TAFA2: variants seen among roughly 807,000 people sequenced by gnomAD.
TAFA2 encodes chemokine-like protein TAFA-2.
In TAFA2, 7 loss-of-function variants were observed where a neutral mutation model predicts 18.8. The observed-to-expected ratio is 0.37, with a 90% CI of 0.21 to 0.70. The LOEUF is 0.70. TAFA2 is among the 30% of genes least tolerant of loss of function. The pLI is 0.53. For synonymous variants in TAFA2, 60 were observed against 54.2 expected, an observed-to-expected ratio of 1.11 and a Z score of -0.47; for missense variants, 122 against 158.1, an observed-to-expected ratio of 0.77 and a Z score of 1.23.
chr12:62,121,716 C>A (rs1431770784), intron 1 of TAFA2, among the ~76,000 whole-genome samples: 1 of 152,016 alleles, frequency 6.6e-6, no homozygotes, highest in Non-Finnish European at 1.5e-5. Flanking sequence ...AATCACTGAC[C>A]CATTCATTTG....
intron 1 of TAFA2, among the ~76,000 whole-genome samples, chr12:62,223,000 A>T (rs895285844): frequency 1.3e-5 from 2 of 152,194 alleles, no homozygotes; most frequent in African/African-American, 4.8e-5. Flanking sequence ...TTAAAATGAT[A>T]TTAAAGGACA....
At chr12:61,735,101 TAGA>T (rs546933772) in intron 4 of TAFA2, among the ~76,000 whole-genome samples, 217 of 152,146 alleles carry the variant, frequency 1.4e-3, no homozygotes, top group African/African-American at 4.9e-3. Flanking sequence ...CTTGTGAAAA[TAGA>T]AGTAGTAGGC....
chr12:62,027,345 G>A (rs1881336544), intron 1 of TAFA2, among the ~76,000 whole-genome samples: 1 of 152,016 alleles, frequency 6.6e-6, no homozygotes, highest in Admixed American at 6.6e-5. Flanking sequence ...TTAATAAACT[G>A]GAGTATTGAT....
chr12:61,830,787 T>C (rs1441000218), intron 2 of TAFA2, among the ~76,000 whole-genome samples: 1 of 152,060 alleles, frequency 6.6e-6, no homozygotes, highest in African/African-American at 2.4e-5. Context: ...AAAAATCTTA[T>C]CAAATTTTAG....
chr12:61,880,358 A>G (rs7311950), intron 1 of TAFA2: 356,581 of 508,186 alleles, frequency 0.7, 126,462 homozygotes, highest in African/African-American at 0.81. Context: ...GGAGCTGGCC[A>G]TTAAGGATGC....
chr12:62,170,499 T>C (rs2062470342), intron 1 of TAFA2, among the ~76,000 whole-genome samples: 2 of 152,224 alleles, frequency 1.3e-5, no homozygotes, highest in Non-Finnish European at 2.9e-5. Flanking sequence ...TTGATGCTTT[T>C]CCATTTTCAT....
At chr12:62,129,978 T>C (rs1011912093) in intron 1 of TAFA2, among the ~76,000 whole-genome samples, 6 of 152,050 alleles carry the variant, frequency 3.9e-5, no homozygotes, top group African/African-American at 1.4e-4. Flanking sequence ...TATGTTTTAG[T>C]AGCACTCCAT....
intron 1 of TAFA2, among the ~76,000 whole-genome samples, chr12:62,044,424 G>T (rs531448921): frequency 6.6e-6 from 1 of 152,212 alleles, no homozygotes; most frequent in East Asian, 1.9e-4. Context: ...CTATCAAAAG[G>T]GAGCAAAGGG....
In TAFA2 at chr12:61,920,643, C is replaced by T. The variant is rs11614308; in HGVS notation, c.-1-53217G>A. Among the ~76,000 whole-genome samples, 593 of 152,180 alleles carry T rather than the reference C, an allele frequency of 3.9e-3. 3 individuals are homozygous for T. Among genetic ancestry groups the T allele is most frequent in the African/African-American group, 0.014 (580 of 41,522 alleles). On this transcript the variant is annotated intron_variant, in intron 1 of 4. Transcript: ENST00000416284. ...GTAAGTCTTCACTGTTTCTTGCACA[C>T]GTATGTGTGCTGTGCATGTTCATAA...
At chr12:62,060,929 A>G (rs1194779320) in intron 1 of TAFA2, among the ~76,000 whole-genome samples, 1 of 152,084 alleles carries the variant, frequency 6.6e-6, no homozygotes, top group Non-Finnish European at 1.5e-5. Context: ...ATTAAAAATT[A>G]AAAAAGTTTA....
intron 2 of TAFA2, among the ~76,000 whole-genome samples, chr12:61,757,169 G>A (rs1380873010): frequency 6.6e-6 from 1 of 152,054 alleles, no homozygotes; most frequent in Non-Finnish European, 1.5e-5. Flanking sequence ...TTATGAAGAG[G>A]TGTAGGAGTC....
At chr12:62,214,177 T>A (rs947536957) in intron 1 of TAFA2, among the ~76,000 whole-genome samples, 1 of 152,226 alleles carries the variant, frequency 6.6e-6, no homozygotes, top group Non-Finnish European at 1.5e-5. Flanking sequence ...AGAGGCTGAC[T>A]TATGGCCCCT....
chr12:61,938,230 TAAAAAAAA>T (rs1157161976), intron 1 of TAFA2, among the ~76,000 whole-genome samples: 5 of 98,484 alleles, frequency 5.1e-5, no homozygotes, highest in Non-Finnish European at 1.0e-4. Flanking sequence ...ATAGATATGG[TAAAAAAAA>T]AAAAAAAAAA....
chr12:61,877,846 A>G lies in TAFA2; in HGVS notation c.-1-10420T>C, dbSNP rs555504055. On this transcript the variant is annotated intron_variant, in intron 1 of 4. Transcript: ENST00000416284. ...GTATAGTAGTGTATAAATTAGACTTATTACCAAATCATACTAAATTAGGTA... is the reference window on the plus strand; with the variant it reads ...GTATAGTAGTGTATAAATTAGACTTGTTACCAAATCATACTAAATTAGGTA... Among the ~76,000 whole-genome samples, 5 of 152,144 alleles carry G rather than the reference A, an allele frequency of 3.3e-5. No individual in the cohort carries two copies. The East Asian group carries it at 9.6e-4, about 29-fold the overall frequency.
intron 1 of TAFA2, among the ~76,000 whole-genome samples, chr12:61,914,645 T>C (rs1227238724): frequency 6.6e-6 from 1 of 152,202 alleles, no homozygotes; most frequent in Non-Finnish European, 1.5e-5. Context: ...TGCTAGATAG[T>C]AGTACCTGAC....
intron 1 of TAFA2, among the ~76,000 whole-genome samples, chr12:62,181,445 C>T (rs2136951560): frequency 6.6e-6 from 1 of 152,268 alleles, no homozygotes; most frequent in Non-Finnish European, 1.5e-5. Context: ...CATTCCTCTG[C>T]TATAAGCAAA....
chr12:61,861,716 G>A (rs1210368372), intron 2 of TAFA2, among the ~76,000 whole-genome samples: 1 of 152,030 alleles, frequency 6.6e-6, no homozygotes, highest in Admixed American at 6.5e-5. Flanking sequence ...TGTCTCCCAG[G>A]CTTTGAACTA....
chr12:62,215,263 G>GATGTGCAGTC (rs2062729602), intron 1 of TAFA2, among the ~76,000 whole-genome samples: 1 of 152,148 alleles, frequency 6.6e-6, no homozygotes, highest in Non-Finnish European at 1.5e-5. Flanking sequence ...ATTGAATGCA[G>GATGTGCAGTC]ATGTGCAGTC....
At chr12:62,059,139 A>ATGTGTGTG (rs374882700) in intron 1 of TAFA2, among the ~76,000 whole-genome samples, 21,298 of 136,032 alleles carry the variant, frequency 0.16, 1,707 homozygotes, top group African/African-American at 0.19. Flanking sequence ...ATGTGTGTAT[A>ATGTGTGTG]TGTGTGTGTG....
Sources: allele counts gnomAD v4.1 joint callset (sites outside exome capture counted in the v4.1 genomes callset), GRCh38; gene constraint gnomAD v4.1.1; transcripts MANE v1.5; gene names NCBI Gene and HGNC (gene_info 2026-07-23, HGNC 2026-07-21).